XKR4: variants seen among roughly 807,000 people sequenced by gnomAD.
The protein encoded by XKR4 is XK related 4.
XKR4 carries 12 observed loss-of-function variants against 53.9 expected under a neutral mutation model. The observed-to-expected ratio is 0.22, with a 90% CI of 0.14 to 0.36. The LOEUF is 0.36. Ranked by LOEUF, XKR4 falls within the 10% of genes least tolerant of loss-of-function variation. XKR4 has a pLI of 1.00. For missense variants in XKR4, 799 were observed against 859.5 expected (o/e 0.93, Z 0.88); for synonymous variants, 354 against 362.4 (o/e 0.98, Z 0.26).
intron 2 of XKR4, among the ~76,000 whole-genome samples, chr8:55,488,301 G>A (rs1337449161): frequency 6.6e-6 from 1 of 152,086 alleles, no homozygotes; most frequent in Non-Finnish European, 1.5e-5. Flanking sequence ...AACTAAACAT[G>A]CTCTTATCAT....
chr8:55,275,680 A>G (rs531376758), intron 1 of XKR4, among the ~76,000 whole-genome samples: 5 of 152,308 alleles, frequency 3.3e-5, no homozygotes, highest in African/African-American at 9.6e-5. Context: ...TATTGCCTAT[A>G]CTCCTCATTA....
rs997572041 is a variant in XKR4, at chr8:55,531,068, T to C, written c.*6841T>C. 5 of 152,220 alleles carry C rather than the reference T, an allele frequency of 3.3e-5. No homozygotes were observed. The highest frequency in any genetic ancestry group is 3.3e-4 in the Admixed American group (5 of 15,290). 9.4% of individuals were successfully genotyped at this position (152,220 alleles called of 1,614,324 possible). A position where few individuals can be genotyped will look rare whatever the true frequency, so the allele number is the denominator to read the frequency against. On this transcript the variant is annotated 3_prime_UTR_variant, in exon 3 of 3. Transcript: ENST00000327381. ...TTCTCTTCTCAATATCTATATTTAA[T>C]TCCATATTGAAGCAAGAAAGAAACA... is the stretch of plus-strand genomic sequence containing the variant.
chr8:55,228,065 C>T (rs1817981456), intron 1 of XKR4, among the ~76,000 whole-genome samples: 1 of 152,158 alleles, frequency 6.6e-6, no homozygotes, highest in Admixed American at 6.5e-5. Flanking sequence ...CACCACCACG[C>T]CCAGCTAATT....
intron 1 of XKR4, chr8:55,135,625 G>A (rs1216207998): frequency 2.2e-6 from 1 of 456,208 alleles, no homozygotes; most frequent in East Asian, 7.0e-5. Context: ...GAAAAGCCAA[G>A]GACAGATGGC....
intron 2 of XKR4, among the ~76,000 whole-genome samples, chr8:55,390,069 C>G (rs182623420): frequency 6.6e-6 from 1 of 152,120 alleles, no homozygotes; most frequent in Non-Finnish European, 1.5e-5. Context: ...GAAACTGGCC[C>G]GTGGTTATCT....
intron 1 of XKR4, among the ~76,000 whole-genome samples, chr8:55,230,182 C>T (rs1404799278): frequency 2.6e-5 from 4 of 151,952 alleles, no homozygotes; most frequent in African/African-American, 9.7e-5. Context: ...TCCAGTGACT[C>T]GTTATGGCTT....
In XKR4 at chr8:55,506,885, A is replaced by G. The variant is rs142521976; in HGVS notation, c.1007-16396A>G. Among the ~76,000 whole-genome samples the G allele has an allele frequency of 4.8e-3, 731 of 152,342 alleles. 7 individuals are homozygous for G. Among genetic ancestry groups the G allele is most frequent in the African/African-American group, 0.016 (675 of 41,588 alleles). On this transcript the variant is annotated intron_variant, in intron 2 of 2. Coordinates refer to ENST00000327381, the MANE Select transcript of XKR4 (RefSeq NM_052898.2). ...ACTGCTGACAGAATATTCCACAAGG[A>G]CAATTACTACTTTCTTTTATCCAAT...
At chr8:55,299,954 G>C (rs57565310) in intron 1 of XKR4, among the ~76,000 whole-genome samples, 2 of 152,118 alleles carry the variant, frequency 1.3e-5, no homozygotes, top group African/African-American at 4.8e-5. Context: ...GAAACCATGG[G>C]CTGGAGGAGC....
intron 2 of XKR4, among the ~76,000 whole-genome samples, chr8:55,380,585 G>A (rs1265464245): frequency 6.6e-6 from 1 of 152,200 alleles, no homozygotes; most frequent in East Asian, 1.9e-4. Flanking sequence ...TTCATTCTTA[G>A]TTATTTTTAA....
At chr8:55,348,898 A>G (rs1803689835) in intron 1 of XKR4, among the ~76,000 whole-genome samples, 1 of 152,184 alleles carries the variant, frequency 6.6e-6, no homozygotes, top group Non-Finnish European at 1.5e-5. Context: ...AGATAAATAC[A>G]GATAGACAGA....
chr8:55,268,686 A>G (rs1435228358), intron 1 of XKR4, among the ~76,000 whole-genome samples: 2 of 152,152 alleles, frequency 1.3e-5, no homozygotes, highest in African/African-American at 4.8e-5. Flanking sequence ...TGGGCACTTA[A>G]AATGAACCTA....
chr8:55,264,182 A>G (rs1409188399), intron 1 of XKR4, among the ~76,000 whole-genome samples: 1 of 152,128 alleles, frequency 6.6e-6, no homozygotes, highest in African/African-American at 2.4e-5. Context: ...CTTCCCCTGC[A>G]TGTCATCCCA....
chr8:55,170,416 G>T (rs574185859), intron 1 of XKR4, among the ~76,000 whole-genome samples: 1 of 152,142 alleles, frequency 6.6e-6, no homozygotes, highest in African/African-American at 2.4e-5. Flanking sequence ...GGAGATGGAG[G>T]TATGGGGACA....
intron 1 of XKR4, among the ~76,000 whole-genome samples, chr8:55,184,247 A>G (rs1334495262): frequency 6.6e-6 from 1 of 152,114 alleles, no homozygotes; most frequent in Non-Finnish European, 1.5e-5. Flanking sequence ...GTCCATCCTT[A>G]GTGTTCTCAT....
chr8:55,503,839 T>A (rs1806481931), intron 2 of XKR4, among the ~76,000 whole-genome samples: 1 of 152,164 alleles, frequency 6.6e-6, no homozygotes, highest in South Asian at 2.1e-4. Flanking sequence ...CTGTGGGCTT[T>A]TCGTTTATGG....
chr8:55,398,536 A>C (rs2658903), intron 2 of XKR4, among the ~76,000 whole-genome samples: 104,343 of 152,052 alleles, frequency 0.69, 36,377 homozygotes, highest in African/African-American at 0.8. Flanking sequence ...AAGGAGGATG[A>C]GTTCCTCCAC....
chr8:55,182,714 T>C (rs1315810263), intron 1 of XKR4, among the ~76,000 whole-genome samples: 2 of 152,200 alleles, frequency 1.3e-5, no homozygotes, highest in African/African-American at 2.4e-5. Context: ...TAGTATGTTA[T>C]AAAATTGTGT....
chr8:55,367,479 G>T (rs1267747194), intron 2 of XKR4, among the ~76,000 whole-genome samples: 1 of 152,086 alleles, frequency 6.6e-6, no homozygotes, highest in Non-Finnish European at 1.5e-5. Context: ...TTACTTCTGG[G>T]TTCATACCTA....
At chr8:55,455,604 C>T (rs1805558462) in intron 2 of XKR4, among the ~76,000 whole-genome samples, 1 of 152,168 alleles carries the variant, frequency 6.6e-6, no homozygotes, top group Admixed American at 6.5e-5. Context: ...AGTTTACAAT[C>T]ACAGTTACAA....
Sources: allele counts gnomAD v4.1 joint callset (sites outside exome capture counted in the v4.1 genomes callset), GRCh38; gene constraint gnomAD v4.1.1; transcripts MANE v1.5; gene names NCBI Gene and HGNC (gene_info 2026-07-23, HGNC 2026-07-21).